The following UBE2W variants were observed in gnomAD, a reference collection of about 807,000 sequenced individuals.
UBE2W encodes ubiquitin-conjugating enzyme E2 W.
A neutral mutation model predicts 27.2 loss-of-function variants in UBE2W; 18 were observed. That is an observed-to-expected ratio of 0.66 (90% CI 0.46 to 0.98). The LOEUF (loss-of-function observed/expected upper bound fraction) is 0.98. Among genes scored for constraint, UBE2W ranks in the 50% least tolerant of loss-of-function variants. The pLI, the probability that UBE2W is intolerant of heterozygous loss-of-function variation, is 0.00. For missense variants in UBE2W, 90 were observed against 180.2 expected (o/e 0.50, Z 2.87); for synonymous variants, 53 against 57.2 (o/e 0.93, Z 0.33).
intron 1 of UBE2W, among the ~76,000 whole-genome samples, chr8:73,852,275 GAA>G (rs1235776016): frequency 6.6e-6 from 1 of 152,116 alleles, no homozygotes; most frequent in East Asian, 1.9e-4. Context: ...TGTCTACCAT[GAA>G]TCCAATGTAT....
chr8:73,781,519 C>G (rs545405140), downstream of UBE2W, among the ~76,000 whole-genome samples: 1 of 152,000 alleles, frequency 6.6e-6, no homozygotes. Flanking sequence ...AAACTATCAC[C>G]CTCAACTCAT....
chr8:73,805,724 T>A lies in UBE2W; in HGVS notation c.369A>T (p.Arg123Ser). Residue 123 changes from arginine to serine, a missense_variant and splice_region_variant, in exon 5 of 6, where the codon AGA (arginine) becomes AGT (serine). Transcript: ENST00000602593. ...CATAAAAAGAATTATCCGGTGGTCG[T>A]CTCTGAAACAAAAAATAATTTAAAT... is the stretch of plus-strand genomic sequence containing the variant. ...ISMLSSCKEK[R>S]RPPDNSFYVR... is the part of the protein sequence containing the mutation. 1 of 1,505,272 alleles carries A rather than the reference T, an allele frequency of 6.6e-7. No individual in the cohort carries two copies. Among genetic ancestry groups the A allele is most frequent in the Non-Finnish European group, 9.0e-7 (1 of 1,117,250 alleles). 93.2% of individuals were successfully genotyped at this position (1,505,272 alleles called of 1,614,324 possible).
At chr8:73,794,676 C>T (rs1425880444) in intron 5 of UBE2W, among the ~76,000 whole-genome samples, 22 of 151,632 alleles carry the variant, frequency 1.5e-4, no homozygotes, top group Non-Finnish European at 2.9e-5. Flanking sequence ...CCGAGGCGGG[C>T]GGATCACTTG....
chr8:73,827,057 G>A (rs1307371566), intron 2 of UBE2W, among the ~76,000 whole-genome samples: 1 of 152,070 alleles, frequency 6.6e-6, no homozygotes, highest in Non-Finnish European at 1.5e-5. Context: ...GTAATTTTAG[G>A]ACACATAACA....
chr8:73,793,851 G>A lies in UBE2W; in HGVS notation c.*251C>T. The A allele has an allele frequency of 8.2e-7, 1 of 1,219,324 alleles. No individual in the cohort carries two copies. 75.5% of individuals were successfully genotyped at this position (1,219,324 alleles called of 1,614,324 possible). A position where few individuals can be genotyped will look rare whatever the true frequency, so the allele number is the denominator to read the frequency against. On this transcript the variant is annotated 3_prime_UTR_variant, in exon 6 of 6. Transcript: ENST00000602593. ...GCTTAAAAAAATAAAAATAAAAAAT[G>A]GAATTATATTTGACATTTCCTGACA...
chr8:73,872,915 T>C (rs112971459), intron 1 of UBE2W, among the ~76,000 whole-genome samples: 3,446 of 150,354 alleles, frequency 0.023, 23 homozygotes, highest in South Asian at 0.053. Flanking sequence ...TTTTTTTTTT[T>C]GTTTTAGCTG....
chr8:73,781,929 CTTTT>C (rs71269945), downstream of UBE2W, among the ~76,000 whole-genome samples: 280 of 95,808 alleles, frequency 2.9e-3, no homozygotes, highest in African/African-American at 9.9e-3. Flanking sequence ...TAAAAGCCTC[CTTTT>C]TTTTTTTTTT....
intron 1 of UBE2W, among the ~76,000 whole-genome samples, chr8:73,859,656 A>G (rs1310272883): frequency 2.0e-5 from 3 of 152,200 alleles, no homozygotes; most frequent in Admixed American, 2.0e-4. Context: ...ACAGTAAGCT[A>G]TTAGTACTTA....
At chr8:73,802,294 C>T (rs1808679217) in intron 5 of UBE2W, among the ~76,000 whole-genome samples, 1 of 152,152 alleles carries the variant, frequency 6.6e-6, no homozygotes, top group African/African-American at 2.4e-5. Context: ...TTTTATAAAA[C>T]TCTGCAGATT....
At chr8:73,878,382 G>C (rs1182627286) in intron 1 of UBE2W, among the ~76,000 whole-genome samples, 1 of 152,196 alleles carries the variant, frequency 6.6e-6, no homozygotes, top group African/African-American at 2.4e-5. Flanking sequence ...CGCACACTCA[G>C]CCCCCCGCCG....
chr8:73,791,559 G>T lies in UBE2W; in HGVS notation c.*2543C>A, dbSNP rs892353847. 1.0e-6 allele frequency: 1 copy of T among 985,088 alleles called. No homozygotes were observed. Among genetic ancestry groups the T allele is most frequent in the Non-Finnish European group, 1.2e-6 (1 of 829,720 alleles). 61.0% of individuals were successfully genotyped at this position (985,088 alleles called of 1,614,324 possible). On this transcript the variant is annotated 3_prime_UTR_variant, in exon 6 of 6. Coordinates refer to ENST00000602593, the MANE Select transcript of UBE2W (RefSeq NM_018299.6). ...TTGTCTTTCAACAATGCATTACAGA[G>T]AAATATTCTTTTTATTATTACAAGC...
intron 1 of UBE2W, among the ~76,000 whole-genome samples, chr8:73,873,738 T>G (rs568750381): frequency 6.6e-6 from 1 of 152,314 alleles, no homozygotes; most frequent in South Asian, 2.1e-4. Context: ...CATTCATACT[T>G]TATCTCCTGT....
At chr8:73,852,557 G>A (rs1811124488) in intron 1 of UBE2W, among the ~76,000 whole-genome samples, 1 of 152,182 alleles carries the variant, frequency 6.6e-6, no homozygotes, top group South Asian at 2.1e-4. Context: ...TTTCATTTAA[G>A]CCAACCATTT....
intron 3 of UBE2W, among the ~76,000 whole-genome samples, chr8:73,821,170 G>A (rs528892315): frequency 2.6e-5 from 4 of 152,148 alleles, no homozygotes; most frequent in African/African-American, 9.6e-5. Context: ...CTTGGGTTTG[G>A]GTCTTGACTG....
In UBE2W at chr8:73,788,820, A is replaced by T; in HGVS notation, c.*5282T>A. The T allele has an allele frequency of 5.1e-6, 5 of 985,412 alleles. No homozygotes were observed. The highest frequency in any genetic ancestry group is 6.0e-6 in the Non-Finnish European group (5 of 829,938). 61.0% of individuals were successfully genotyped at this position (985,412 alleles called of 1,614,324 possible). The stretch of plus-strand genomic sequence containing the variant: ...AGTGTATGTGCCAAGGACTAGAACA[A>T]GAATTGGATCTCTCCTTTTCCCAGT... On this transcript the variant is annotated 3_prime_UTR_variant, in exon 6 of 6. Coordinates refer to ENST00000602593, the MANE Select transcript of UBE2W (RefSeq NM_018299.6).
At chr8:73,823,485 C>T (rs896976058) in intron 3 of UBE2W, among the ~76,000 whole-genome samples, 2 of 152,172 alleles carry the variant, frequency 1.3e-5, no homozygotes, top group East Asian at 3.9e-4. Context: ...CCTTCCCATA[C>T]CATCATTGAA....
At chr8:73,834,870 AT>A (rs1810241972) in intron 1 of UBE2W, among the ~76,000 whole-genome samples, 1 of 152,134 alleles carries the variant, frequency 6.6e-6, no homozygotes, top group Non-Finnish European at 1.5e-5. Flanking sequence ...GATCACGCGA[AT>A]GCACTGCAGC....
chr8:73,814,818 A>C (rs566635057), intron 3 of UBE2W, among the ~76,000 whole-genome samples: 1 of 152,322 alleles, frequency 6.6e-6, no homozygotes, highest in South Asian at 2.1e-4. Flanking sequence ...CTGCACCCAG[A>C]CTGGAAGCAG....
chr8:73,874,323 C>T (rs1397435444), intron 1 of UBE2W, among the ~76,000 whole-genome samples: 3 of 151,956 alleles, frequency 2.0e-5, no homozygotes, highest in South Asian at 4.2e-4. Flanking sequence ...CCCAGCTACG[C>T]GGGAGACTGA....
Sources: allele counts gnomAD v4.1 joint callset (sites outside exome capture counted in the v4.1 genomes callset), GRCh38; gene constraint gnomAD v4.1.1; transcripts MANE v1.5; gene names NCBI Gene and HGNC (gene_info 2026-07-23, HGNC 2026-07-21).